The following RNF38 variants were observed in gnomAD, a reference collection of about 807,000 sequenced individuals.
RNF38 encodes the protein ring finger protein 38.
In RNF38, 15 loss-of-function variants were observed where a neutral mutation model predicts 67.2. The ratio of observed to expected loss-of-function variants is 0.22; its 90% CI spans 0.15 to 0.34. The LOEUF (loss-of-function observed/expected upper bound fraction) is 0.34, where lower values mean the gene tolerates loss of function less well. Among genes scored for constraint, RNF38 ranks in the 10% least tolerant of loss-of-function variants. The pLI, the probability that RNF38 is intolerant of heterozygous loss-of-function variation, is 1.00. For missense variants in RNF38, 524 were observed against 639.9 expected, an observed-to-expected ratio of 0.82 and a Z score of 1.95; for synonymous variants, 220 against 218.8, an observed-to-expected ratio of 1.01 and a Z score of -0.05.
At chr9:36,450,023 C>T (rs1315656726) in intron 1 of RNF38, among the ~76,000 whole-genome samples, 1 of 152,144 alleles carries the variant, frequency 6.6e-6, no homozygotes, top group Admixed American at 6.5e-5. Context: ...TATTTATATG[C>T]GATCATATAC....
chr9:36,413,083 G>T (rs1387578282), intron 2 of RNF38, among the ~76,000 whole-genome samples: 3 of 151,462 alleles, frequency 2.0e-5, no homozygotes, highest in African/African-American at 7.3e-5. Flanking sequence ...AAAAAAAAAA[G>T]CTGGGCGTGG....
intron 1 of RNF38, among the ~76,000 whole-genome samples, chr9:36,467,293 T>C (rs1011677003): frequency 4.8e-5 from 7 of 144,454 alleles, no homozygotes; most frequent in African/African-American, 1.8e-4. Context: ...GTAACAGTAA[T>C]AGTGAAATTA....
intron 1 of RNF38, among the ~76,000 whole-genome samples, chr9:36,449,663 C>G (rs1839390518): frequency 6.6e-6 from 1 of 152,050 alleles, no homozygotes; most frequent in Non-Finnish European, 1.5e-5. Flanking sequence ...TCTCGATCTC[C>G]GAATCTTGTG....
rs1445667668 is a variant in RNF38 at position 36,400,261 on chromosome 9, CAGA to C, written c.-156_-154del. On this transcript the variant is annotated 5_prime_UTR_variant, in exon 1 of 12. Coordinates refer to ENST00000259605, the MANE Select transcript of RNF38 (RefSeq NM_022781.5). ...CAGCCTATCCAGAAACCCACGGAAG[CAGA>C]AGGACGCCAGAGAGGACCCTTTCGA... The C allele has an allele frequency of 2.2e-5, 30 of 1,368,324 alleles. No individual in the cohort carries two copies. The highest frequency in any genetic ancestry group is 2.7e-5 in the Non-Finnish European group (29 of 1,056,100). The allele number at this position is 1,368,324 out of a possible 1,614,324, so 84.8% of individuals were successfully genotyped here.
At chr9:36,426,343 T>C (rs1007490086) in intron 1 of RNF38, among the ~76,000 whole-genome samples, 2 of 152,208 alleles carry the variant, frequency 1.3e-5, no homozygotes, top group Non-Finnish European at 2.9e-5. Context: ...ATCTCTTCCC[T>C]GAGCCACTGA....
At chr9:36,468,217 G>A (rs2134402270) in intron 1 of RNF38, among the ~76,000 whole-genome samples, 1 of 149,486 alleles carries the variant, frequency 6.7e-6, no homozygotes, top group Non-Finnish European at 1.5e-5. Flanking sequence ...ACTCCAGCCT[G>A]CTGGGCAGAG....
chr9:36,458,796 T>C (rs10511929), intron 1 of RNF38, among the ~76,000 whole-genome samples: 9,342 of 152,298 alleles, frequency 0.061, 316 homozygotes, highest in South Asian at 0.15. Flanking sequence ...CACAGTAATA[T>C]TGAGAAACCA....
intron 4 of RNF38, among the ~76,000 whole-genome samples, chr9:36,369,030 A>T (rs1177821346): frequency 6.6e-6 from 1 of 152,142 alleles, no homozygotes; most frequent in Non-Finnish European, 1.5e-5. Flanking sequence ...GAAACATTGT[A>T]GGCTTGTACC....
chr9:36,396,252 A>T (rs1837502362), intron 1 of RNF38, among the ~76,000 whole-genome samples: 1 of 152,244 alleles, frequency 6.6e-6, no homozygotes, highest in South Asian at 2.1e-4. Flanking sequence ...TCTGGTTGGC[A>T]ATGAGACAAG....
At chr9:36,481,205 G>A (rs1840253558) in intron 1 of RNF38, among the ~76,000 whole-genome samples, 1 of 151,970 alleles carries the variant, frequency 6.6e-6, no homozygotes, top group African/African-American at 2.4e-5. Context: ...AGTAGAGGCA[G>A]GGTTTCACCA....
At chr9:36,387,686 C>T (rs933893633) in intron 2 of RNF38, among the ~76,000 whole-genome samples, 1 of 152,114 alleles carries the variant, frequency 6.6e-6, no homozygotes, top group African/African-American at 2.4e-5. Context: ...GTATGAAGCA[C>T]TTTAAGATTC....
chr9:36,337,955 G>C lies in RNF38; in HGVS notation c.*1797C>G, dbSNP rs551642748. On this transcript the variant is annotated 3_prime_UTR_variant, in exon 12 of 12. Transcript: ENST00000259605. ...TGTGAATTGACTTTACTTAACTCTA[G>C]GCTGTGATGAGCTTATAGACACTTC... 7 of 152,716 alleles carry C rather than the reference G, an allele frequency of 4.6e-5. No homozygotes were observed. Among genetic ancestry groups the C allele is most frequent in the African/African-American group, 1.7e-4 (7 of 41,550 alleles). The allele number at this position is 152,716 out of a possible 1,614,324, so 9.5% of individuals were successfully genotyped here.
chr9:36,348,703 T>C (rs1481761258), intron 9 of RNF38, among the ~76,000 whole-genome samples: 9 of 152,214 alleles, frequency 5.9e-5, no homozygotes, highest in Non-Finnish European at 1.2e-4. Context: ...AGTTGGAAGC[T>C]AGCAAAGGCT....
chr9:36,341,978 C>T (rs1457807121), intron 11 of RNF38, among the ~76,000 whole-genome samples: 2 of 151,962 alleles, frequency 1.3e-5, no homozygotes, highest in African/African-American at 4.8e-5. Context: ...AATAAAAACA[C>T]TAGATGTATT....
intron 4 of RNF38, among the ~76,000 whole-genome samples, chr9:36,359,345 T>C (rs1834352156): frequency 6.6e-6 from 1 of 152,148 alleles, no homozygotes; most frequent in Non-Finnish European, 1.5e-5. Flanking sequence ...GTTATAAACA[T>C]ATATTCCTGT....
intron 1 of RNF38, among the ~76,000 whole-genome samples, chr9:36,462,329 C>A (rs754704047): frequency 6.6e-6 from 1 of 152,166 alleles, no homozygotes; most frequent in Non-Finnish European, 1.5e-5. Flanking sequence ...TCATCTCTCT[C>A]CTGCTCTACC....
At chr9:36,415,563 G>A (rs1476315316) in intron 2 of RNF38, among the ~76,000 whole-genome samples, 1 of 152,192 alleles carries the variant, frequency 6.6e-6, no homozygotes, top group Non-Finnish European at 1.5e-5. Context: ...GTTCCTGAGA[G>A]CTGGACTACA....
intron 1 of RNF38, among the ~76,000 whole-genome samples, chr9:36,431,015 G>A (rs1022954600): frequency 1.3e-5 from 2 of 152,010 alleles, no homozygotes; most frequent in African/African-American, 4.8e-5. Context: ...AAAGGTAAAG[G>A]GCTCAGTCCC....
At chr9:36,401,384 T>C (rs376713485), upstream of RNF38, among the ~76,000 whole-genome samples, 14 of 151,760 alleles carry the variant, frequency 9.2e-5, no homozygotes, top group South Asian at 1.0e-3. Context: ...GTTGCTACTG[T>C]TCCGTGCCTC....
Sources: allele counts gnomAD v4.1 joint callset (sites outside exome capture counted in the v4.1 genomes callset), GRCh38; gene constraint gnomAD v4.1.1; transcripts MANE v1.5; gene names NCBI Gene and HGNC (gene_info 2026-07-23, HGNC 2026-07-21).